FHIT: variants seen among roughly 807,000 people sequenced by gnomAD.
The protein encoded by FHIT is fragile histidine triad diadenosine triphosphatase, also known as bis(5'-adenosyl)-triphosphatase.
A neutral mutation model predicts 17.9 loss-of-function variants in FHIT; 19 were observed. The ratio of observed to expected loss-of-function variants is 1.06; its 90% CI spans 0.74 to 1.56. The LOEUF (loss-of-function observed/expected upper bound fraction) is 1.56, where lower values mean the gene tolerates loss of function less well. Among genes scored for constraint, FHIT ranks in the 40% most tolerant of loss-of-function variants. The pLI is 0.00. For synonymous variants in FHIT, 81 were observed against 69.7 expected, an observed-to-expected ratio of 1.16 and a Z score of -0.81; for missense variants, 248 against 189.2, an observed-to-expected ratio of 1.31 and a Z score of -1.82.
chr3:60,646,335 T>C (rs1362122918), intron 4 of FHIT, among the ~76,000 whole-genome samples: 1 of 152,190 alleles, frequency 6.6e-6, no homozygotes, highest in African/African-American at 2.4e-5. Flanking sequence ...CAAAATGGTA[T>C]TAAATCTGGT....
chr3:60,752,747 A>G (rs941043107), intron 4 of FHIT, among the ~76,000 whole-genome samples: 1 of 152,198 alleles, frequency 6.6e-6, no homozygotes, highest in Non-Finnish European at 1.5e-5. Context: ...ACTTTTTAAG[A>G]AATCAGTCAC....
chr3:60,968,385 A>G (rs1709848695), intron 3 of FHIT, among the ~76,000 whole-genome samples: 1 of 151,912 alleles, frequency 6.6e-6, no homozygotes, highest in African/African-American at 2.4e-5. Flanking sequence ...AAAATTGTTA[A>G]TATTTCAAAT....
intron 7 of FHIT, among the ~76,000 whole-genome samples, chr3:59,988,000 A>C (rs1435877361): frequency 1.3e-5 from 2 of 150,740 alleles, no homozygotes; most frequent in Non-Finnish European, 3.0e-5. Flanking sequence ...CCTTGAATGA[A>C]TTTATGACTG....
rs869239307 is a variant in FHIT at position 60,976,096 on chromosome 3, CTTTTTTT to C, written c.-111+65944_-111+65950del. On this transcript the variant is annotated intron_variant, in intron 3 of 9. Coordinates refer to ENST00000492590, the MANE Select transcript of FHIT (RefSeq NM_002012.4). ...CTTTGTATCTTTCGTTTTTCTTTTT[CTTTTTTT>C]TTTTTTTTTTTTTTTTTTTTTGAGA... is the stretch of plus-strand genomic sequence containing the variant. Among the ~76,000 whole-genome samples, 127 of 66,794 alleles carry C rather than the reference CTTTTTTT, an allele frequency of 1.9e-3. 1 individual carries two copies. The highest frequency in any genetic ancestry group is 5.8e-3 in the African/African-American group (87 of 15,112). 43.8% of individuals were successfully genotyped at this position (66,794 alleles called of 152,430 possible).
intron 5 of FHIT, among the ~76,000 whole-genome samples, chr3:60,229,283 G>A (rs1704372945): frequency 6.6e-6 from 1 of 152,040 alleles, no homozygotes; most frequent in Admixed American, 6.5e-5. Flanking sequence ...CAGGTGTGGT[G>A]GTGAGCATCT....
At chr3:60,841,087 C>T (rs1702712582) in intron 3 of FHIT, among the ~76,000 whole-genome samples, 1 of 152,136 alleles carries the variant, frequency 6.6e-6, no homozygotes, top group East Asian at 1.9e-4. Context: ...ATCTGGAGAA[C>T]CCAAAATCCA....
chr3:60,219,084 T>C (rs1266509421), intron 5 of FHIT, among the ~76,000 whole-genome samples: 1 of 152,114 alleles, frequency 6.6e-6, no homozygotes, highest in African/African-American at 2.4e-5. Context: ...GAAGTTAATA[T>C]TGTTTATTTA....
intron 8 of FHIT, among the ~76,000 whole-genome samples, chr3:59,884,353 A>G (rs1475655595): frequency 1.3e-5 from 2 of 152,186 alleles, no homozygotes. Flanking sequence ...ATGTTTTTAT[A>G]TATACACACA....
intron 3 of FHIT, among the ~76,000 whole-genome samples, chr3:60,902,501 G>T (rs1277178531): frequency 6.6e-6 from 1 of 152,194 alleles, no homozygotes; most frequent in Non-Finnish European, 1.5e-5. Flanking sequence ...AGCCAGGCCT[G>T]ATCAAATAAC....
intron 5 of FHIT, among the ~76,000 whole-genome samples, chr3:60,330,648 A>T (rs766903246): frequency 1.3e-5 from 2 of 152,202 alleles, no homozygotes; most frequent in Non-Finnish European, 2.9e-5. Flanking sequence ...ATCCTAAGGA[A>T]ATAATTGGAC....
chr3:60,713,160 CCTG>C (rs2041586328), intron 4 of FHIT, among the ~76,000 whole-genome samples: 3 of 152,116 alleles, frequency 2.0e-5, no homozygotes, highest in Non-Finnish European at 2.9e-5. Flanking sequence ...AACTGAACAA[CCTG>C]TTCCTGAATG....
At chr3:59,957,204 C>T (rs1707448427) in intron 7 of FHIT, among the ~76,000 whole-genome samples, 1 of 152,146 alleles carries the variant, frequency 6.6e-6, no homozygotes, top group African/African-American at 2.4e-5. Flanking sequence ...TAAAGTGAGA[C>T]CATCAAGTTA....
Position 60,439,576 on chromosome 3 carries a change from T to A in FHIT, c.103+97284A>T, listed in dbSNP as rs139794440. Among the ~76,000 whole-genome samples, 566 of 150,548 alleles carry A rather than the reference T, an allele frequency of 3.8e-3. 6 individuals are homozygous for A. The highest frequency in any genetic ancestry group is 0.013 in the African/African-American group (506 of 40,014). ...ACATCCTGAGTCATCAGTCAGTGAT[T>A]CCTGGTCTCAGTCAGTGATTCCTCC... On this transcript the variant is annotated intron_variant, in intron 5 of 9. Coordinates refer to ENST00000492590, the MANE Select transcript of FHIT (RefSeq NM_002012.4).
chr3:60,985,879 C>T (rs1710701665), intron 3 of FHIT, among the ~76,000 whole-genome samples: 1 of 152,196 alleles, frequency 6.6e-6, no homozygotes, highest in African/African-American at 2.4e-5. Flanking sequence ...CTTCTGGAGG[C>T]TCCAGGGTAG....
At chr3:60,931,469 G>A (rs539159761) in intron 3 of FHIT, among the ~76,000 whole-genome samples, 14 of 152,200 alleles carry the variant, frequency 9.2e-5, no homozygotes, top group South Asian at 6.2e-4. Context: ...TTCTACTTAA[G>A]AATTAGAGAG....
chr3:60,561,101 A>G (rs2036929224), intron 4 of FHIT, among the ~76,000 whole-genome samples: 1 of 151,950 alleles, frequency 6.6e-6, no homozygotes, highest in African/African-American at 2.4e-5. Context: ...AGTATTTAAG[A>G]TTTTTTTAAT....
At chr3:60,935,927 C>T (rs1688319643) in intron 3 of FHIT, among the ~76,000 whole-genome samples, 2 of 152,192 alleles carry the variant, frequency 1.3e-5, no homozygotes, top group Admixed American at 6.5e-5. Context: ...TTGCTCATCA[C>T]TGAATCATCA....
intron 4 of FHIT, among the ~76,000 whole-genome samples, chr3:60,818,127 T>C (rs533907366): frequency 5.9e-5 from 9 of 152,296 alleles, no homozygotes; most frequent in Admixed American, 2.0e-4. Flanking sequence ...TTCTGTTTAC[T>C]ACCTTCTTAT....
At chr3:61,242,403 G>T (rs1160667168) in intron 1 of FHIT, among the ~76,000 whole-genome samples, 1 of 152,102 alleles carries the variant, frequency 6.6e-6, no homozygotes, top group Non-Finnish European at 1.5e-5. Context: ...TTCCCTACCA[G>T]AGAGACTTCT....
Sources: allele counts gnomAD v4.1 joint callset (sites outside exome capture counted in the v4.1 genomes callset), GRCh38; gene constraint gnomAD v4.1.1; transcripts MANE v1.5; gene names NCBI Gene and HGNC (gene_info 2026-07-23, HGNC 2026-07-21).